The following PDE7A variants were observed in gnomAD, a reference collection of about 807,000 sequenced individuals.
The protein encoded by PDE7A is high affinity 3',5'-cyclic-AMP phosphodiesterase 7A.
A neutral mutation model predicts 64.3 loss-of-function variants in PDE7A; 39 were observed. The ratio of observed to expected loss-of-function variants is 0.61; its 90% CI spans 0.47 to 0.79. The LOEUF (loss-of-function observed/expected upper bound fraction) is 0.79, where lower values mean the gene tolerates loss of function less well. Ranked by LOEUF, PDE7A falls within the 30% of genes least tolerant of loss-of-function variation. PDE7A has a pLI of 0.00. For synonymous variants in PDE7A, 203 were observed against 206.8 expected (o/e 0.98, Z 0.16); for missense variants, 470 against 582.8 (o/e 0.81, Z 1.99).
chr8:65,812,101 G>A (rs1810270994), intron 1 of PDE7A, among the ~76,000 whole-genome samples: 3 of 151,992 alleles, frequency 2.0e-5, no homozygotes, highest in African/African-American at 7.3e-5. Context: ...CGGCTACTCA[G>A]GAGTCTGAGG....
In PDE7A at chr8:65,715,645, T is replaced by C. The variant is rs536465433; in HGVS notation, c.*3645A>G. On this transcript the variant is annotated 3_prime_UTR_variant, in exon 13 of 13. Coordinates refer to ENST00000401827, the MANE Select transcript of PDE7A (RefSeq NM_001242318.3). ...CACCCACCTCAGCCTCCCAAAGTGC[T>C]GGGATTACAGGTGTGAGCCACCATG... is the stretch of plus-strand genomic sequence containing the variant. Among the ~76,000 whole-genome samples the C allele has an allele frequency of 2.0e-5, 3 of 147,378 alleles. No homozygotes were observed. In the South Asian group the frequency reaches 6.7e-4, roughly 33 times the overall value.
intron 1 of PDE7A, among the ~76,000 whole-genome samples, chr8:65,795,049 C>G (rs1008822883): frequency 1.3e-5 from 2 of 152,184 alleles, no homozygotes; most frequent in Non-Finnish European, 2.9e-5. Flanking sequence ...TGAGCTAAAT[C>G]TTCGCCAGCA....
chr8:65,741,735 G>A (rs1432167615), intron 5 of PDE7A, among the ~76,000 whole-genome samples: 3 of 152,162 alleles, frequency 2.0e-5, no homozygotes, highest in African/African-American at 2.4e-5. Flanking sequence ...AACCATCTTC[G>A]AGTATATAAA....
intron 7 of PDE7A, chr8:65,728,579 GA>G (rs1806705101): frequency 6.6e-6 from 1 of 152,094 alleles, no homozygotes; most frequent in African/African-American, 2.4e-5. Flanking sequence ...CAAAAGCATT[GA>G]AAAAATAAAG....
Position 65,748,635 on chromosome 8 carries a change from G to A in PDE7A, c.284-832C>T, listed in dbSNP as rs368785884. ...TATAAAACAGGAAAATCAAGACTGAGGATCAATAAATCATCTCTTAATTTA... is the reference window on the plus strand; with the variant it reads ...TATAAAACAGGAAAATCAAGACTGAAGATCAATAAATCATCTCTTAATTTA... On this transcript the variant is annotated intron_variant, in intron 3 of 12. Coordinates refer to ENST00000401827, the MANE Select transcript of PDE7A (RefSeq NM_001242318.3). 2.0e-5 allele frequency among the ~76,000 whole-genome samples: 3 copies of A among 152,128 alleles called. No homozygotes were observed. The East Asian group carries it at 5.8e-4, about 29-fold the overall frequency.
intron 5 of PDE7A, among the ~76,000 whole-genome samples, chr8:65,740,474 C>G (rs543814912): frequency 6.6e-6 from 1 of 152,196 alleles, no homozygotes; most frequent in South Asian, 2.1e-4. Flanking sequence ...GATCTTGGCT[C>G]ACTGCAACCT....
rs531494508 is a variant in PDE7A at position 65,755,083 on chromosome 8, T to G, written c.284-7280A>C. Among the ~76,000 whole-genome samples the G allele has an allele frequency of 1.9e-3, 276 of 149,008 alleles. 1 individual carries two copies. The highest frequency in any genetic ancestry group is 6.6e-3 in the African/African-American group (266 of 40,538). The stretch of plus-strand genomic sequence containing the variant: ...TTGCCCAGGCTGGAGCGCAGTGGTG[T>G]GGTTTCGGCTCACTGTAACGTCTGC... On this transcript the variant is annotated intron_variant, in intron 3 of 12. Transcript: ENST00000401827.
intron 1 of PDE7A, among the ~76,000 whole-genome samples, chr8:65,796,103 C>CA (rs1447605088): frequency 6.2e-5 from 9 of 146,336 alleles, no homozygotes; most frequent in Non-Finnish European, 1.4e-4. Context: ...AAACAAAAGC[C>CA]AAAAAATAAA....
intron 1 of PDE7A, among the ~76,000 whole-genome samples, chr8:65,814,574 T>C (rs200808497): frequency 8.0e-6 from 1 of 125,022 alleles, no homozygotes; most frequent in South Asian, 3.7e-4. Context: ...CGTACACATA[T>C]AATACATACG....
intron 1 of PDE7A, among the ~76,000 whole-genome samples, chr8:65,805,109 G>T (rs140078946): frequency 6.6e-6 from 1 of 152,182 alleles, no homozygotes; most frequent in Non-Finnish European, 1.5e-5. Context: ...CTCCCAAAGT[G>T]TTGGGATTAC....
chr8:65,773,408 T>A (rs1809167903), intron 3 of PDE7A, among the ~76,000 whole-genome samples: 1 of 152,248 alleles, frequency 6.6e-6, no homozygotes, highest in South Asian at 2.1e-4. Context: ...TCACCTTTTA[T>A]GAACAGCATG....
intron 3 of PDE7A, among the ~76,000 whole-genome samples, chr8:65,769,887 ACT>A (rs1808994086): frequency 1.3e-5 from 2 of 152,130 alleles, no homozygotes; most frequent in South Asian, 4.1e-4. Flanking sequence ...CAAGAGTGAA[ACT>A]CTGTCTCAAA....
At chr8:65,794,447 C>T (rs1246482145) in intron 1 of PDE7A, among the ~76,000 whole-genome samples, 1 of 151,684 alleles carries the variant, frequency 6.6e-6, no homozygotes, top group Non-Finnish European at 1.5e-5. Context: ...AAAACTTCAC[C>T]TATAAGTAGT....
chr8:65,724,621 TCTC>T (rs1806531940), intron 10 of PDE7A, among the ~76,000 whole-genome samples, 153 bp downstream of exon 10: 1 of 152,200 alleles, frequency 6.6e-6, no homozygotes, highest in Non-Finnish European at 1.5e-5. Context: ...TCACCAGTGA[TCTC>T]CTTTTGGAAG....
chr8:65,813,234 A>C (rs1028738389), intron 1 of PDE7A, among the ~76,000 whole-genome samples: 4 of 152,194 alleles, frequency 2.6e-5, no homozygotes, highest in African/African-American at 9.7e-5. Context: ...CACTTCTAGA[A>C]ATGAATGTCA....
At chr8:65,757,012 C>T (rs185986030) in intron 3 of PDE7A, among the ~76,000 whole-genome samples, 1 of 152,308 alleles carries the variant, frequency 6.6e-6, no homozygotes, top group African/African-American at 2.4e-5. Context: ...TCCGTAGGTG[C>T]ACCACTCTCC....
chr8:65,820,036 C>T (rs1190790352), intron 1 of PDE7A, among the ~76,000 whole-genome samples: 7 of 152,238 alleles, frequency 4.6e-5, no homozygotes, highest in Admixed American at 4.6e-4. Context: ...CAACCTACTA[C>T]ATGACAGCAA....
intron 7 of PDE7A, among the ~76,000 whole-genome samples, chr8:65,734,039 C>A (rs893303245): frequency 6.6e-6 from 1 of 152,180 alleles, no homozygotes; most frequent in African/African-American, 2.4e-5. Context: ...AGTCTGATTT[C>A]TCTTCTATAC....
chr8:65,779,932 G>A (rs868382817), intron 2 of PDE7A, 129 bp from the exon 3 acceptor site: 4 of 470,162 alleles, frequency 8.5e-6, no homozygotes, highest in African/African-American at 2.0e-5. Flanking sequence ...ATGTGGAACA[G>A]GTAGTTAAGA....
Sources: gnomAD v4.1 joint callset for allele counts (sites outside exome capture counted in the v4.1 genomes callset) on GRCh38, gnomAD v4.1.1 for gene constraint, MANE v1.5 for transcripts, NCBI Gene and HGNC (gene_info 2026-07-23, HGNC 2026-07-21) for gene names.